The following ITGA7 variants were observed in gnomAD, a reference collection of about 807,000 sequenced individuals.
The protein encoded by ITGA7 is integrin alpha-7.
Under a neutral mutation model 131.6 loss-of-function variants are expected in ITGA7, and 84 were observed. The observed-to-expected ratio is 0.64, with a 90% CI of 0.54 to 0.77. The LOEUF (loss-of-function observed/expected upper bound fraction) is 0.77, where lower values mean the gene tolerates loss of function less well. Ranked by LOEUF, ITGA7 falls within the 30% of genes least tolerant of loss-of-function variation. The pLI, the probability that ITGA7 is intolerant of heterozygous loss-of-function variation, is 0.00. For missense variants in ITGA7, 1,399 were observed against 1,482.9 expected (o/e 0.94, Z 0.93); for synonymous variants, 548 against 600.7 (o/e 0.91, Z 1.28).
At position 55,694,527 on chromosome 12, in the gene ITGA7, G is replaced by C; in HGVS notation, c.2278-5C>G. ...AAGGATGAGGTAGAAGGTGACCTAG[G>C]CCAAGGGTGGAAAGAGATTAGAGTC... is the stretch of plus-strand genomic sequence containing the variant. On this transcript the variant is annotated splice_polypyrimidine_tract_variant and splice_region_variant and intron_variant, in intron 16 of 24. Transcript: ENST00000257879. The surrounding 1 kb of genome is among the most constrained non-coding windows in gnomAD (Gnocchi z 5.3). The C allele has an allele frequency of 6.2e-7, 1 of 1,614,150 alleles. No individual in the cohort carries two copies. Among genetic ancestry groups the C allele is most frequent in the Non-Finnish European group, 8.5e-7 (1 of 1,179,968 alleles).
intron 1 of ITGA7, 60 bp from the exon 2 acceptor site, chr12:55,703,238 C>T (rs1318711183): frequency 2.5e-6 from 4 of 1,578,182 alleles, no homozygotes; most frequent in Non-Finnish European, 3.4e-6. Flanking sequence ...ATGACCCAAT[C>T]TCATTAGAGC....
chr12:55,698,775 C>T lies in ITGA7; in HGVS notation c.933G>A (p.Leu311=), dbSNP rs1171974152. Residue 311 remains leucine, a synonymous_variant, in exon 6 of 25, where the codon CTG becomes CTA. Coordinates refer to ENST00000257879, the MANE Select transcript of ITGA7 (RefSeq NM_002206.3). ...AGCCGGAGGTCAGGCGCTCCCCAGA[C>T]AGCATAACCTCGGGCACCAGGCGAC... The part of the protein sequence containing the change: ...SASRLVPEVM[L]SGERLTSGFG... 1 of 1,614,166 alleles carries T rather than the reference C, an allele frequency of 6.2e-7. No homozygotes were observed. The highest frequency in any genetic ancestry group is 1.7e-5 in the Admixed American group (1 of 60,032).
At chr12:55,693,644 C>A (rs1331250559) in intron 19 of ITGA7, among the ~76,000 whole-genome samples, 8 of 152,094 alleles carry the variant, frequency 5.3e-5, no homozygotes, top group Non-Finnish European at 1.0e-4. Flanking sequence ...CCACCAAATC[C>A]GGGAAACCCT....
intron 21 of ITGA7, 101 bp from the exon 22 acceptor site, chr12:55,689,058 C>A: frequency 1.2e-6 from 1 of 857,452 alleles, no homozygotes. Context: ...TCCCCTCCTC[C>A]AGGAAGTCTT....
At chr12:55,688,167 G>C in intron 23 of ITGA7, 35 bp downstream of exon 23, 1 of 1,613,504 alleles carries the variant, frequency 6.2e-7, no homozygotes, top group Non-Finnish European at 8.5e-7. Flanking sequence ...AAAGAAGAGA[G>C]TCCTCCCCAC....
At chr12:55,699,771 G>T in intron 5 of ITGA7, 99 bp downstream of exon 5, 7 of 1,407,874 alleles carry the variant, frequency 5.0e-6, no homozygotes, top group Non-Finnish European at 6.9e-6. Context: ...TGTGTGTTGG[G>T]GGAGGAGGAG....
chr12:55,699,940 C>T lies in ITGA7; in HGVS notation c.720G>A (p.Val240=). The change falls in exon 5 of 25, where the codon GTG becomes GTA. Residue 240 remains valine, a synonymous_variant. Coordinates refer to ENST00000257879, the MANE Select transcript of ITGA7 (RefSeq NM_002206.3). Reference sequence around the variant, plus strand: ...GGTCAGCAGGGTCCAAAGTTTTATACACCAGCTGGTCGGGGTCTGAGCTAT... The same window carrying T: ...GGTCAGCAGGGTCCAAAGTTTTATATACCAGCTGGTCGGGGTCTGAGCTAT... The part of the protein sequence containing the change: ...NIDSSDPDQL[V]YKTLDPADRL... 1 of 1,614,106 alleles carries T rather than the reference C, an allele frequency of 6.2e-7. No individual in the cohort carries two copies. The highest frequency in any genetic ancestry group is 8.5e-7 in the Non-Finnish European group (1 of 1,180,014).
At position 55,696,931 on chromosome 12, in the gene ITGA7, G is replaced by A. The variant is rs201217202; in HGVS notation, c.1705C>T (p.Arg569Ter). 5.1e-5 allele frequency: 82 copies of A among 1,614,070 alleles called. No individual in the cohort carries two copies. The highest frequency in any genetic ancestry group is 6.5e-5 in the Non-Finnish European group (77 of 1,180,044). Residue 569 changes from arginine to a stop codon, truncating the protein, a stop_gained, in exon 12 of 25, where the codon CGA (arginine) becomes TGA (stop). Transcript: ENST00000257879. LOFTEE classifies it high-confidence loss of function. Reference sequence around the variant, plus strand: ...TGGAACATGGCGTCTCCACAGACTCGGTCATGCTGGTGCTTCAGCCACACG... The same window carrying A: ...TGGAACATGGCGTCTCCACAGACTCAGTCATGCTGGTGCTTCAGCCACACG... ...GTVWLKHQHD[R>*]VCGDAMFQLQ...
At chr12:55,692,763 C>T in intron 21 of ITGA7, 81 bp downstream of exon 21, 1 of 1,511,166 alleles carries the variant, frequency 6.6e-7, no homozygotes, top group Non-Finnish European at 8.9e-7. Context: ...GCACCCAGAC[C>T]ATCATGTGTC....
chr12:55,699,714 G>A, intron 5 of ITGA7, 156 bp downstream of exon 5: 1 of 995,480 alleles, frequency 1.0e-6, no homozygotes, highest in Non-Finnish European at 1.5e-6. Flanking sequence ...CTGATCATTG[G>A]ACCCAGCTCT....
intron 3 of ITGA7, 56 bp downstream of exon 3, chr12:55,702,816 A>AACACACAC (rs138614852): frequency 7.6e-5 from 103 of 1,350,822 alleles, no homozygotes; most frequent in South Asian, 1.3e-4. Context: ...ACACACCATA[A>AACACACAC]ACACACACAC....
At chr12:55,699,219 G>A (rs1004757213) in intron 5 of ITGA7, among the ~76,000 whole-genome samples, 2 of 152,200 alleles carry the variant, frequency 1.3e-5, no homozygotes, top group African/African-American at 4.8e-5. Flanking sequence ...GCAAGAGAGA[G>A]AAAGGTGATG....
At chr12:55,708,094 C>T (rs962556940), upstream of ITGA7, 16 of 947,030 alleles carry the variant, frequency 1.7e-5, no homozygotes, top group South Asian at 5.9e-4. Flanking sequence ...TCCGGCTCCG[C>T]CCCTGCGCGG....
At position 55,696,994 on chromosome 12, in the gene ITGA7, G is replaced by A. The variant is rs146411608; in HGVS notation, c.1642C>T (p.Arg548Cys). 11 of 1,614,164 alleles carry A rather than the reference G, an allele frequency of 6.8e-6. No individual in the cohort carries two copies. The highest frequency in any genetic ancestry group is 4.5e-5 in the East Asian group (2 of 44,884). ...TGGTGCTTGGGTTCTTCCAGGTTAC[G>A]GCTCAGGAACGTCACACGGGGAACC... Reference protein sequence around the residue: ...GQVPRVTFLSRNLEEPKHQAS... With the variant: ...GQVPRVTFLSCNLEEPKHQAS... Residue 548 changes from arginine to cysteine, a missense_variant, in exon 12 of 25, where the codon CGT (arginine) becomes TGT (cysteine). Physicochemically the swap from Arg to Cys is radical, Grantham distance 180. Coordinates refer to ENST00000257879, the MANE Select transcript of ITGA7 (RefSeq NM_002206.3).
rs145740314 is a variant in ITGA7, at chr12:55,695,559, T to C, written c.1966A>G (p.Thr656Ala). ...TGGAATTCCGTGTCGCTGACCCGGG[T>C]ACAGAAGCGGGCGCGGACCAGCTGC... ...NLQLVRARFC[T>A]RVSDTEFQPL... Residue 656 changes from threonine to alanine, a missense_variant, in exon 14 of 25, where the codon ACC (threonine) becomes GCC (alanine). By Grantham distance (58) the Thr-to-Ala change is moderately conservative (BLOSUM62 0). Coordinates refer to ENST00000257879, the MANE Select transcript of ITGA7 (RefSeq NM_002206.3). 8.1e-6 allele frequency: 13 copies of C among 1,602,014 alleles called. No individual in the cohort carries two copies. In the African/African-American group the frequency reaches 1.5e-4, roughly 19 times the overall value.
chr12:55,695,916 C>A (rs75233332), intron 13 of ITGA7, among the ~76,000 whole-genome samples: 3 of 151,844 alleles, frequency 2.0e-5, no homozygotes, highest in Admixed American at 2.0e-4. Context: ...AACTGAGTTC[C>A]GGATTTAGAA....
chr12:55,697,141 C>T, intron 11 of ITGA7, 73 bp from the exon 12 acceptor site: 1 of 1,581,306 alleles, frequency 6.3e-7, no homozygotes, highest in Non-Finnish European at 8.6e-7. Context: ...CAAGGGTGCT[C>T]TTCTACCACC....
rs758978382 is a variant in ITGA7 at position 55,701,123 on chromosome 12, C to G, written c.446G>C (p.Arg149Pro). ...CCGCGTCTCCAGGATCTGGTCCACT[C>G]GCTGCCTTGCCTCATATCGGTGTGC... ...TCAHRYEARQ[R>P]VDQILETRDM... The change falls in exon 4 of 25, where the codon CGA becomes CCA. Residue 149 changes from arginine to proline, a missense_variant. Arg to Pro is a moderately radical substitution (Grantham distance 103). Coordinates refer to ENST00000257879, the MANE Select transcript of ITGA7 (RefSeq NM_002206.3). The G allele has an allele frequency of 6.2e-7, 1 of 1,614,222 alleles. No individual in the cohort carries two copies. Among genetic ancestry groups the G allele is most frequent in the East Asian group, 2.2e-5 (1 of 44,882 alleles).
At chr12:55,692,676 A>T (rs1871696528) in intron 21 of ITGA7, among the ~76,000 whole-genome samples, 168 bp downstream of exon 21, 1 of 152,168 alleles carries the variant, frequency 6.6e-6, no homozygotes, top group African/African-American at 2.4e-5. Flanking sequence ...GCTGAGCAGG[A>T]AGGGGGTCTG....
Sources: allele counts gnomAD v4.1 joint callset (sites outside exome capture counted in the v4.1 genomes callset), GRCh38; gene constraint gnomAD v4.1.1; non-coding constraint Gnocchi (gnomAD v3.1); transcripts MANE v1.5; gene names NCBI Gene and HGNC (gene_info 2026-07-23, HGNC 2026-07-21).